GMDS: variants seen among roughly 807,000 people sequenced by gnomAD.
GMDS encodes the protein GDP-mannose 4,6-dehydratase.
Under a neutral mutation model 49.9 loss-of-function variants are expected in GMDS, and 20 were observed. The ratio of observed to expected loss-of-function variants is 0.40; its 90% CI spans 0.28 to 0.58. GMDS has a LOEUF of 0.58. Ranked by LOEUF, GMDS falls within the 20% of genes least tolerant of loss-of-function variation. The pLI is 0.42. For missense variants in GMDS, 362 were observed against 481.4 expected (o/e 0.75, Z 2.32); for synonymous variants, 177 against 178.6 (o/e 0.99, Z 0.07).
rs1198355865 is a variant in GMDS at position 1,954,073 on chromosome 6, T to G, written c.643+5794A>C. ...TTTCCAGTAGAAAGCTATCATTATA[T>G]CCACATTTGTGGCAAAAAGAATACT... On this transcript the variant is annotated intron_variant, in intron 6 of 10. Transcript: ENST00000380815. Among the ~76,000 whole-genome samples, 4 of 152,310 alleles carry G rather than the reference T, an allele frequency of 2.6e-5. No homozygotes were observed. In the East Asian group the frequency reaches 7.7e-4, roughly 29 times the overall value.
chr6:1,988,467 G>A (rs941151582), intron 4 of GMDS, among the ~76,000 whole-genome samples: 1 of 152,092 alleles, frequency 6.6e-6, no homozygotes, highest in East Asian at 1.9e-4. Context: ...TCTTGGCGGT[G>A]GGGGCGAGGG....
intron 4 of GMDS, among the ~76,000 whole-genome samples, chr6:2,075,636 T>G (rs995499062): frequency 9.9e-5 from 15 of 152,226 alleles, no homozygotes; most frequent in Admixed American, 3.3e-4. Flanking sequence ...TGTGCCACAT[T>G]TTCTTAATCC....
At chr6:1,988,008 T>C (rs1343882703) in intron 4 of GMDS, among the ~76,000 whole-genome samples, 2 of 152,114 alleles carry the variant, frequency 1.3e-5, no homozygotes, top group South Asian at 2.1e-4. Flanking sequence ...AATAATAACA[T>C]AAGGAAAACA....
intron 1 of GMDS, among the ~76,000 whole-genome samples, chr6:2,160,251 G>A (rs1777327158): frequency 6.6e-6 from 1 of 152,216 alleles, no homozygotes; most frequent in Non-Finnish European, 1.5e-5. Flanking sequence ...GAAGAGTGAA[G>A]TTCGGATAAC....
At chr6:2,132,397 T>C (rs2127519325) in intron 1 of GMDS, among the ~76,000 whole-genome samples, 1 of 152,336 alleles carries the variant, frequency 6.6e-6, no homozygotes, top group South Asian at 2.1e-4. Flanking sequence ...GTCCCTGCCC[T>C]ATTGCTCTGA....
intron 4 of GMDS, among the ~76,000 whole-genome samples, chr6:1,967,417 A>G (rs1764324184): frequency 6.6e-6 from 1 of 152,184 alleles, no homozygotes; most frequent in Non-Finnish European, 1.5e-5. Flanking sequence ...ACAAAAACAC[A>G]AAAACCAGTA....
rs116270659 is a variant in GMDS at position 1,800,041 on chromosome 6, G to C, written c.772-57455C>G. On this transcript the variant is annotated intron_variant, in intron 7 of 10. Transcript: ENST00000380815. ...TTCAGAGCTTTGCAGTAAGGGAAGA[G>C]AGCAGGAGGCCAGGGGAAGAGGAGG... is the stretch of plus-strand genomic sequence containing the variant. 3.1e-3 allele frequency among the ~76,000 whole-genome samples: 472 copies of C among 152,264 alleles called. 2 individuals are homozygous for C. The highest frequency in any genetic ancestry group is 0.011 in the African/African-American group (453 of 41,570).
chr6:2,175,894 G>T (rs2127558113), intron 1 of GMDS: 1 of 1,073,632 alleles, frequency 9.3e-7, no homozygotes, highest in Non-Finnish European at 1.4e-6. Context: ...GTGGCACTAT[G>T]ATTAGCCCCA....
chr6:1,818,656 A>G (rs1303481388), intron 7 of GMDS, among the ~76,000 whole-genome samples: 1 of 151,620 alleles, frequency 6.6e-6, no homozygotes, highest in African/African-American at 2.4e-5. Context: ...AAGGCTAACT[A>G]TCTGGTGGGA....
chr6:1,631,792 C>G (rs1763010393), intron 9 of GMDS, among the ~76,000 whole-genome samples: 1 of 152,182 alleles, frequency 6.6e-6, no homozygotes, highest in African/African-American at 2.4e-5. Context: ...CAACTCAAGG[C>G]CTAGCCAAAC....
intron 7 of GMDS, among the ~76,000 whole-genome samples, chr6:1,804,663 G>A (rs1770092853): frequency 6.6e-6 from 1 of 152,006 alleles, no homozygotes; most frequent in Non-Finnish European, 1.5e-5. Flanking sequence ...ATAGAAAGAA[G>A]CCAGCAAACA....
Position 1,743,280 on chromosome 6 carries a change from G to A in GMDS, c.772-694C>T, listed in dbSNP as rs565207609. The stretch of plus-strand genomic sequence containing the variant: ...CATCAAAATGGATGTCTAGCAGGGC[G>A]CGGTGGCTCACGCCTGTCGTCCCAG... On this transcript the variant is annotated intron_variant, in intron 7 of 10. Transcript: ENST00000380815. Among the ~76,000 whole-genome samples, 120 of 152,310 alleles carry A rather than the reference G, an allele frequency of 7.9e-4. 2 individuals carry two copies. Among genetic ancestry groups the A allele is most frequent in the South Asian group, 7.5e-3 (36 of 4,824 alleles).
chr6:1,643,315 G>T (rs1763388351), intron 9 of GMDS, among the ~76,000 whole-genome samples: 1 of 152,152 alleles, frequency 6.6e-6, no homozygotes, highest in Non-Finnish European at 1.5e-5. Flanking sequence ...GGACACACAG[G>T]CATTGTAAGG....
At chr6:2,238,695 G>A (rs574817223) in intron 1 of GMDS, among the ~76,000 whole-genome samples, 1 of 152,124 alleles carries the variant, frequency 6.6e-6, no homozygotes, top group African/African-American at 2.4e-5. Context: ...TTTGTGATGT[G>A]GGCATAATTA....
intron 6 of GMDS, among the ~76,000 whole-genome samples, chr6:1,943,807 G>T (rs17773012): frequency 0.028 from 4,291 of 152,238 alleles, 103 homozygotes; most frequent in South Asian, 0.05. Context: ...AGGGACCTCT[G>T]TATACACTTT....
At chr6:1,723,320 CTTTAT>C (rs1766453806) in intron 9 of GMDS, among the ~76,000 whole-genome samples, 1 of 97,926 alleles carries the variant, frequency 1.0e-5, no homozygotes, top group East Asian at 3.5e-4. Context: ...TTCAAATTTT[CTTTAT>C]GGCATTTTTT....
At chr6:2,118,237 TG>T (rs1774957377) in intron 2 of GMDS, among the ~76,000 whole-genome samples, 1 of 152,170 alleles carries the variant, frequency 6.6e-6, no homozygotes, top group Admixed American at 6.5e-5. Flanking sequence ...AATGCATACT[TG>T]CCTGATATTG....
intron 9 of GMDS, among the ~76,000 whole-genome samples, chr6:1,704,220 A>G (rs985574963): frequency 2.6e-5 from 4 of 152,050 alleles, no homozygotes; most frequent in Non-Finnish European, 5.9e-5. Flanking sequence ...TAAATGTAAC[A>G]GAGCAATCAG....
intron 7 of GMDS, among the ~76,000 whole-genome samples, chr6:1,869,730 G>A (rs1433963512): frequency 2.0e-5 from 3 of 152,148 alleles, no homozygotes; most frequent in African/African-American, 4.8e-5. Flanking sequence ...AAAAGAAATC[G>A]GCACAGAACC....
Sources: gnomAD v4.1 joint callset for allele counts (sites outside exome capture counted in the v4.1 genomes callset) on GRCh38, gnomAD v4.1.1 for gene constraint, MANE v1.5 for transcripts, NCBI Gene and HGNC (gene_info 2026-07-23, HGNC 2026-07-21) for gene names.